Variants in DMRT1 observed in about 807,000 individuals in gnomAD.
DMRT1 encodes the protein doublesex and mab-3 related transcription factor 1.
Under a neutral mutation model 32.3 loss-of-function variants are expected in DMRT1, and 7 were observed. The observed-to-expected ratio is 0.22, with a 90% CI of 0.12 to 0.41. The LOEUF (loss-of-function observed/expected upper bound fraction) is 0.41, where lower values mean the gene tolerates loss of function less well. DMRT1 is among the 10% of genes least tolerant of loss of function. The pLI is 1.00. For synonymous variants in DMRT1, 278 were observed against 206.1 expected (o/e 1.35, Z -2.99); for missense variants, 625 against 500.5 (o/e 1.25, Z -2.37).
intron 2 of DMRT1, 150 bp downstream of exon 2, chr9:847,293 T>G (rs1033165292): frequency 3.8e-6 from 3 of 787,804 alleles, no homozygotes; most frequent in Non-Finnish European, 5.9e-6. Context: ...GGGCTGTTTG[T>G]GCCTGCATCA....
intron 2 of DMRT1, among the ~76,000 whole-genome samples, chr9:868,139 G>T (rs374996696): frequency 2.2e-4 from 33 of 152,128 alleles, no homozygotes; most frequent in South Asian, 1.2e-3. Context: ...CACCATGCCC[G>T]GCTAAGTTTT....
intron 4 of DMRT1, among the ~76,000 whole-genome samples, chr9:960,533 C>T (rs1446946562): frequency 6.6e-6 from 1 of 152,210 alleles, no homozygotes. Context: ...ATCCTCAATG[C>T]AACTTTGTGA....
At chr9:954,546 AAG>A (rs1485081925) in intron 4 of DMRT1, among the ~76,000 whole-genome samples, 2 of 152,148 alleles carry the variant, frequency 1.3e-5, no homozygotes, top group Non-Finnish European at 2.9e-5. Context: ...CCCAAGATCC[AAG>A]AGATGAGGGA....
intron 2 of DMRT1, among the ~76,000 whole-genome samples, chr9:850,942 T>G (rs1405177043): frequency 1.3e-5 from 2 of 150,134 alleles, no homozygotes; most frequent in Non-Finnish European, 2.9e-5. Context: ...GGCAGGGGAA[T>G]CTCTTGAATC....
intron 2 of DMRT1, among the ~76,000 whole-genome samples, chr9:864,701 C>T (rs565247186): frequency 1.1e-4 from 16 of 151,066 alleles, no homozygotes; most frequent in South Asian, 2.1e-4. Flanking sequence ...AGGGTTTCAC[C>T]ATGTTAGCCA....
chr9:945,413 C>T (rs905756448), intron 4 of DMRT1, among the ~76,000 whole-genome samples: 2 of 152,304 alleles, frequency 1.3e-5, no homozygotes, highest in Non-Finnish European at 2.9e-5. Context: ...GCCTTAGCCT[C>T]CCAAAGTGCT....
At chr9:848,871 T>C (rs1014623995) in intron 2 of DMRT1, among the ~76,000 whole-genome samples, 1 of 39,904 alleles carries the variant, frequency 2.5e-5, no homozygotes, top group Non-Finnish European at 8.0e-5. Flanking sequence ...TTGCTTTTCA[T>C]AGGAAGGAAG....
At chr9:920,055 G>A (rs1055319801) in intron 4 of DMRT1, among the ~76,000 whole-genome samples, 3 of 152,126 alleles carry the variant, frequency 2.0e-5, no homozygotes, top group Non-Finnish European at 2.9e-5. Flanking sequence ...TGTGCATTAC[G>A]AGTTTAACTT....
At chr9:927,307 T>TG (rs1255382146) in intron 4 of DMRT1, among the ~76,000 whole-genome samples, 1 of 152,238 alleles carries the variant, frequency 6.6e-6, no homozygotes, top group African/African-American at 2.4e-5. Context: ...TCATGCATCT[T>TG]TCACCATTCA....
intron 2 of DMRT1, among the ~76,000 whole-genome samples, chr9:880,265 T>G (rs1816678162): frequency 1.3e-5 from 2 of 152,216 alleles, no homozygotes; most frequent in Non-Finnish European, 2.9e-5. Context: ...TCCTTCCCAT[T>G]GAGTCACACA....
intron 2 of DMRT1, among the ~76,000 whole-genome samples, chr9:877,054 G>A (rs1263428922): frequency 1.4e-5 from 2 of 138,480 alleles, no homozygotes; most frequent in African/African-American, 3.0e-5. Flanking sequence ...ACCTCTCTGG[G>A]TGTAGAAACA....
At chr9:853,008 A>G (rs1815228149) in intron 2 of DMRT1, among the ~76,000 whole-genome samples, 1 of 152,340 alleles carries the variant, frequency 6.6e-6, no homozygotes, top group East Asian at 1.9e-4. Flanking sequence ...ATGGAATAGT[A>G]TCCCATGCAG....
At chr9:905,903 C>G (rs975177070) in intron 3 of DMRT1, among the ~76,000 whole-genome samples, 6 of 152,130 alleles carry the variant, frequency 3.9e-5, no homozygotes, top group Non-Finnish European at 7.3e-5. Context: ...AGAGGCACCT[C>G]TGTTCCCGTG....
rs75644939 is a variant in DMRT1, at chr9:958,830, G to C, written c.968-9155G>C. Among the ~76,000 whole-genome samples the C allele has an allele frequency of 4.7e-3, 717 of 152,332 alleles. 4 individuals are homozygous for C. The highest frequency in any genetic ancestry group is 0.016 in the African/African-American group (670 of 41,574). The stretch of plus-strand genomic sequence containing the variant: ...GATTAGATAGGAAACCAAGCTCATT[G>C]GCGCTCTGGATGAGAAGGCAGTGTT... On this transcript the variant is annotated intron_variant, in intron 4 of 4. Transcript: ENST00000382276.
intron 3 of DMRT1, among the ~76,000 whole-genome samples, chr9:906,230 C>T (rs947727258): frequency 2.0e-5 from 3 of 152,140 alleles, no homozygotes; most frequent in Non-Finnish European, 2.9e-5. Context: ...CAGCCTGCGT[C>T]GGATCTTGAA....
chr9:907,124 C>T (rs1817804339), intron 3 of DMRT1, among the ~76,000 whole-genome samples: 1 of 152,090 alleles, frequency 6.6e-6, no homozygotes, highest in African/African-American at 2.4e-5. Flanking sequence ...AAACACACAC[C>T]CCAGTCTTAA....
chr9:957,196 T>C (rs1054036749), intron 4 of DMRT1, among the ~76,000 whole-genome samples: 12 of 152,202 alleles, frequency 7.9e-5, no homozygotes, highest in Non-Finnish European at 1.6e-4. Flanking sequence ...TGTTGAAACA[T>C]GAGCATGAGC....
In DMRT1 at chr9:894,177, G is replaced by C. The variant is rs527710563; in HGVS notation, c.804G>C (p.Gln268His). The C allele has an allele frequency of 5.6e-6, 9 of 1,613,726 alleles. No individual in the cohort carries two copies. Among genetic ancestry groups the C allele is most frequent in the Non-Finnish European group, 7.6e-6 (9 of 1,180,052 alleles). Residue 268 changes from glutamine to histidine, a missense_variant, in exon 3 of 5, where the codon CAG becomes CAC. Gln to His is a conservative substitution (Grantham distance 24). Transcript: ENST00000382276. ...RGLPGPYVPG[Q>H]TGNQWQMKNM... ...TCCCCGGACCTTATGTGCCTGGTCA[G>C]ACAGGAAACCAGTGGCAGGTATGAT... is the stretch of plus-strand genomic sequence containing the variant.
intron 2 of DMRT1, among the ~76,000 whole-genome samples, chr9:870,708 A>AATTTTTTTTTT (rs1564211315): frequency 2.8e-5 from 1 of 36,256 alleles, no homozygotes; most frequent in African/African-American, 1.2e-4. Context: ...CATTTTCTTG[A>AATTTTTTTTTT]CTTTTTTTTT....
Sources: gnomAD v4.1 joint callset for allele counts (sites outside exome capture counted in the v4.1 genomes callset) on GRCh38, gnomAD v4.1.1 for gene constraint, MANE v1.5 for transcripts, NCBI Gene and HGNC (gene_info 2026-07-23, HGNC 2026-07-21) for gene names.